THSD4: variants seen among roughly 807,000 people sequenced by gnomAD.
THSD4 encodes the protein thrombospondin type-1 domain-containing protein 4.
THSD4 carries 69 observed loss-of-function variants against 119.0 expected under a neutral mutation model. The ratio of observed to expected loss-of-function variants is 0.58; its 90% confidence interval spans 0.48 to 0.71. The LOEUF (loss-of-function observed/expected upper bound fraction) is 0.71. THSD4 is among the 30% of genes least tolerant of loss of function. THSD4 has a pLI of 0.00. For missense variants in THSD4, 1,393 were observed against 1,391.1 expected, an observed-to-expected ratio of 1.00 and a Z score of -0.02; for synonymous variants, 524 against 540.4, an observed-to-expected ratio of 0.97 and a Z score of 0.42.
At chr15:71,520,686 T>G (rs563027637) in intron 7 of THSD4, among the ~76,000 whole-genome samples, 1 of 152,354 alleles carries the variant, frequency 6.6e-6, no homozygotes, top group East Asian at 1.9e-4. Flanking sequence ...ATAGTATTCC[T>G]TCAATAAACA....
At chr15:71,233,543 A>C (rs1206566280) in intron 4 of THSD4, among the ~76,000 whole-genome samples, 2 of 152,166 alleles carry the variant, frequency 1.3e-5, no homozygotes, top group African/African-American at 2.4e-5. Flanking sequence ...TTACTGTTTT[A>C]TTCTTTTTCA....
chr15:71,145,817 A>C (rs2040653257), intron 2 of THSD4, among the ~76,000 whole-genome samples: 1 of 151,704 alleles, frequency 6.6e-6, no homozygotes. Context: ...AAATGGGGAG[A>C]AAGAGGTTGG....
chr15:71,727,456 G>A (rs576015899), intron 8 of THSD4, among the ~76,000 whole-genome samples: 4 of 150,560 alleles, frequency 2.7e-5, no homozygotes, highest in African/African-American at 9.8e-5. Flanking sequence ...AGCACTTTGG[G>A]AGGCTGAGGC....
At chr15:71,327,417 A>G (rs901452254) in intron 6 of THSD4, among the ~76,000 whole-genome samples, 3 of 152,030 alleles carry the variant, frequency 2.0e-5, no homozygotes, top group African/African-American at 7.2e-5. Context: ...CCCACCTAGA[A>G]CTTCCTTTCT....
chr15:71,142,444 A>T (rs1356785198), intron 2 of THSD4, among the ~76,000 whole-genome samples: 2 of 152,212 alleles, frequency 1.3e-5, no homozygotes, highest in Non-Finnish European at 2.9e-5. Flanking sequence ...TCAAAATCCT[A>T]TGCAAAATCT....
chr15:71,608,235 A>AG (rs1198640794), intron 7 of THSD4, among the ~76,000 whole-genome samples: 1 of 50,986 alleles, frequency 2.0e-5, no homozygotes, highest in Non-Finnish European at 4.2e-5. Flanking sequence ...AAAAAAAAAA[A>AG]AAATATATAT....
chr15:71,764,416 C>T (rs2053679808), intron 15 of THSD4, among the ~76,000 whole-genome samples: 1 of 152,348 alleles, frequency 6.6e-6, no homozygotes, highest in African/African-American at 2.4e-5. Flanking sequence ...GGGGTCACTA[C>T]CCCATGGTGC....
At chr15:71,748,732 T>G in intron 14 of THSD4, 138 bp downstream of exon 14, 67 of 984,926 alleles carry the variant, frequency 6.8e-5, no homozygotes, top group Middle Eastern at 3.4e-4. Context: ...CAGAGAGGAA[T>G]TATCGTAGGC....
chr15:71,608,235 A>AT (rs1198640794), intron 7 of THSD4, among the ~76,000 whole-genome samples: 2,419 of 50,670 alleles, frequency 0.048, 54 homozygotes, highest in East Asian at 0.084. Context: ...AAAAAAAAAA[A>AT]AAATATATAT....
chr15:71,220,611 A>G (rs555555101), intron 4 of THSD4, among the ~76,000 whole-genome samples: 64 of 152,322 alleles, frequency 4.2e-4, no homozygotes, highest in Admixed American at 9.8e-4. Flanking sequence ...TGCCTGGCCC[A>G]TAGTGGATGC....
At chr15:71,695,032 C>G (rs1318283734) in intron 8 of THSD4, among the ~76,000 whole-genome samples, 1 of 152,180 alleles carries the variant, frequency 6.6e-6, no homozygotes, top group Non-Finnish European at 1.5e-5. Context: ...CTCATTCTGT[C>G]TCCTCACGGC....
At chr15:71,205,477 C>T (rs1380451171) in intron 3 of THSD4, among the ~76,000 whole-genome samples, 2 of 152,168 alleles carry the variant, frequency 1.3e-5, no homozygotes, top group African/African-American at 4.8e-5. Context: ...TTCTCTAAAG[C>T]GTGGCTGTCT....
At position 71,579,123 on chromosome 15, in the gene THSD4, G is replaced by A. The variant is rs539060432; in HGVS notation, c.1153-81407G>A. Among the ~76,000 whole-genome samples, 7 of 152,272 alleles carry A rather than the reference G, an allele frequency of 4.6e-5. 1 individual carries two copies. Among genetic ancestry groups the A allele is most frequent in the South Asian group, 2.1e-4 (1 of 4,824 alleles). Reference sequence around the variant, plus strand: ...CTCCCAAAGTGCTGGGATTACAGGCGTGAGTGCATTAACTTTTTAATCAAA... The same window carrying A: ...CTCCCAAAGTGCTGGGATTACAGGCATGAGTGCATTAACTTTTTAATCAAA... On this transcript the variant is annotated intron_variant, in intron 7 of 17. Coordinates refer to ENST00000261862, the MANE Select transcript of THSD4 (RefSeq NM_024817.3).
chr15:71,378,416 A>T (rs2046179954), intron 6 of THSD4, among the ~76,000 whole-genome samples: 1 of 152,296 alleles, frequency 6.6e-6, no homozygotes, highest in South Asian at 2.1e-4. Context: ...GACCATCAGA[A>T]TGGGCACTGG....
At chr15:71,557,394 G>T (rs924839767) in intron 7 of THSD4, among the ~76,000 whole-genome samples, 15 of 151,874 alleles carry the variant, frequency 9.9e-5, no homozygotes, top group Admixed American at 3.3e-4. Flanking sequence ...TTTTAAGAGG[G>T]TTCTTTAAAA....
At position 71,737,992 on chromosome 15, in the gene THSD4, A is replaced by G. The variant is rs759450843; in HGVS notation, c.1891A>G (p.Thr631Ala). Residue 631 changes from threonine (T) to alanine (A), a missense_variant, in exon 11 of 18, where the codon ACG becomes GCG. Thr to Ala is a moderately conservative substitution (Grantham distance 58). Coordinates refer to ENST00000261862, the MANE Select transcript of THSD4 (RefSeq NM_024817.3). ...WKQLGTTECS[T>A]TCGKGSQYPI... ...GCAGCTTGGGACAACAGAATGTTCC[A>G]CGACCTGTGGGAAAGGTGAGCCTGT... 31 of 1,613,664 alleles carry G rather than the reference A, an allele frequency of 1.9e-5. No individual in the cohort carries two copies. In the South Asian group the frequency reaches 3.0e-4, roughly 15 times the overall value.
At chr15:71,416,093 G>A (rs1247650562) in intron 7 of THSD4, among the ~76,000 whole-genome samples, 1 of 152,162 alleles carries the variant, frequency 6.6e-6, no homozygotes, top group Non-Finnish European at 1.5e-5. Flanking sequence ...CACCTCGCCT[G>A]GCCCGAAGTT....
intron 7 of THSD4, among the ~76,000 whole-genome samples, chr15:71,599,782 A>G (rs1030924473): frequency 4.6e-5 from 7 of 152,184 alleles, no homozygotes; most frequent in African/African-American, 1.7e-4. Flanking sequence ...TTCAAGGGCA[A>G]ATGTCATCTC....
Position 71,284,475 on chromosome 15 carries a change from A to T in THSD4, c.1015+27760A>T, listed in dbSNP as rs1446654023. The stretch of plus-strand genomic sequence containing the variant: ...ACATTTTCAGGCATAGGAATTACAT[A>T]TAGGAATTTCGGTAGGTATTTCTTC... On this transcript the variant is annotated intron_variant, in intron 6 of 17. Coordinates refer to ENST00000261862, the MANE Select transcript of THSD4 (RefSeq NM_024817.3). Among the ~76,000 whole-genome samples, 5 of 152,222 alleles carry T rather than the reference A, an allele frequency of 3.3e-5. No individual in the cohort carries two copies. In the South Asian group the frequency reaches 1.0e-3, roughly 32 times the overall value.
Sources: gnomAD v4.1 joint callset for allele counts (sites outside exome capture counted in the v4.1 genomes callset) on GRCh38, gnomAD v4.1.1 for gene constraint, MANE v1.5 for transcripts, NCBI Gene and HGNC (gene_info 2026-07-23, HGNC 2026-07-21) for gene names.